Variants in GSK3B observed in about 807,000 individuals in gnomAD.
The protein encoded by GSK3B is glycogen synthase kinase-3 beta.
GSK3B carries 15 observed loss-of-function variants against 56.4 expected under a neutral mutation model. The ratio of observed to expected loss-of-function variants is 0.27; its 90% CI spans 0.18 to 0.41. GSK3B has a LOEUF of 0.41. GSK3B is among the 10% of genes least tolerant of loss of function. GSK3B has a pLI of 1.00. For synonymous variants in GSK3B, 181 were observed against 188.9 expected (o/e 0.96, Z 0.34); for missense variants, 300 against 513.4 (o/e 0.58, Z 4.02).
intron 1 of GSK3B, among the ~76,000 whole-genome samples, chr3:120,053,875 G>T (rs980036651): frequency 1.3e-5 from 2 of 152,122 alleles, no homozygotes; most frequent in African/African-American, 4.8e-5. Context: ...CACCATGATT[G>T]CGAGGCCTTC....
intron 3 of GSK3B, among the ~76,000 whole-genome samples, chr3:119,926,066 C>T (rs1209220346): frequency 6.6e-6 from 1 of 152,110 alleles, no homozygotes. Flanking sequence ...CTCCTATTCT[C>T]CTTGATCTCT....
chr3:119,841,644 A>AAAGTACAGACAAATAAAGAC (rs1338023716), intron 10 of GSK3B, among the ~76,000 whole-genome samples: 1 of 152,218 alleles, frequency 6.6e-6, no homozygotes, highest in African/African-American at 2.4e-5. Flanking sequence ...ATGCTGTCCT[A>AAAGTACAGACAAATAAAGAC]AAGTACAGAC....
intron 1 of GSK3B, among the ~76,000 whole-genome samples, chr3:120,020,525 T>C (rs2057867698): frequency 6.6e-6 from 1 of 152,172 alleles, no homozygotes; most frequent in Non-Finnish European, 1.5e-5. Flanking sequence ...ATTATGGTGA[T>C]CTGTGATCAA....
chr3:119,905,501 AAC>A (rs1288129584), intron 7 of GSK3B, among the ~76,000 whole-genome samples: 11 of 152,100 alleles, frequency 7.2e-5, no homozygotes, highest in African/African-American at 2.7e-4. Context: ...TACTTTAAAT[AAC>A]AGATATATAC....
intron 1 of GSK3B, among the ~76,000 whole-genome samples, chr3:120,057,068 C>T (rs1000530977): frequency 2.1e-4 from 32 of 152,160 alleles, no homozygotes; most frequent in African/African-American, 7.5e-4. Context: ...TCGCTTGAAC[C>T]CAGGAGGCAG....
At chr3:119,937,747 A>C (rs1347368674) in intron 3 of GSK3B, among the ~76,000 whole-genome samples, 1 of 151,992 alleles carries the variant, frequency 6.6e-6, no homozygotes, top group African/African-American at 2.4e-5. Flanking sequence ...AAGCTAACAG[A>C]AGGAAGGAAA....
At chr3:120,033,214 T>C (rs2057992903) in intron 1 of GSK3B, among the ~76,000 whole-genome samples, 1 of 152,258 alleles carries the variant, frequency 6.6e-6, no homozygotes, top group Non-Finnish European at 1.5e-5. Flanking sequence ...AATCCATTTA[T>C]GGAAATCCCG....
intron 8 of GSK3B, among the ~76,000 whole-genome samples, chr3:119,867,162 G>C (rs1208692738): frequency 6.6e-6 from 1 of 152,154 alleles, no homozygotes; most frequent in Non-Finnish European, 1.5e-5. Flanking sequence ...TGAGAGGAAA[G>C]TAATAAATAT....
At chr3:120,085,948 T>C (rs575717772) in intron 1 of GSK3B, among the ~76,000 whole-genome samples, 1 of 152,250 alleles carries the variant, frequency 6.6e-6, no homozygotes, top group South Asian at 2.1e-4. Flanking sequence ...CCCCTAAGAA[T>C]TTCTCAGACC....
At chr3:119,893,395 G>A (rs2056526334) in intron 7 of GSK3B, among the ~76,000 whole-genome samples, 1 of 152,064 alleles carries the variant, frequency 6.6e-6, no homozygotes, top group Non-Finnish European at 1.5e-5. Flanking sequence ...TATACTATAT[G>A]ATTACAAGTT....
intron 1 of GSK3B, among the ~76,000 whole-genome samples, chr3:120,037,861 C>T (rs2058035174): frequency 1.3e-5 from 2 of 152,050 alleles, no homozygotes; most frequent in African/African-American, 4.8e-5. Context: ...ACTACACAAA[C>T]AGTCCATAGG....
chr3:120,074,352 CT>C (rs61588608), intron 1 of GSK3B, among the ~76,000 whole-genome samples: 35,991 of 134,622 alleles, frequency 0.27, 5,560 homozygotes, highest in African/African-American at 0.49. Context: ...TCATGAGAAA[CT>C]TTTTTTTTTT....
chr3:119,911,103 C>A (rs1452361413), intron 6 of GSK3B, among the ~76,000 whole-genome samples: 1 of 152,130 alleles, frequency 6.6e-6, no homozygotes, highest in Non-Finnish European at 1.5e-5. Context: ...TTAGTGACAC[C>A]TAGAATGGTG....
intron 1 of GSK3B, among the ~76,000 whole-genome samples, chr3:120,090,147 A>G (rs184788653): frequency 1.6e-3 from 244 of 152,184 alleles, no homozygotes; most frequent in Admixed American, 3.5e-3. Context: ...GTTTAGTCCC[A>G]AAAGTATTTT....
intron 1 of GSK3B, among the ~76,000 whole-genome samples, chr3:120,074,003 C>T (rs2058348447): frequency 6.6e-6 from 1 of 151,982 alleles, no homozygotes; most frequent in Non-Finnish European, 1.5e-5. Context: ...ACAATAGAAG[C>T]CTCAGAAATA....
intron 1 of GSK3B, among the ~76,000 whole-genome samples, chr3:120,073,260 G>A (rs867434717): frequency 4.1e-4 from 62 of 150,050 alleles, no homozygotes; most frequent in African/African-American, 1.2e-3. Context: ...ATGGTGGTGC[G>A]GGCCTGTAGT....
chr3:120,025,459 A>C (rs1417954345), intron 1 of GSK3B, among the ~76,000 whole-genome samples: 1 of 152,196 alleles, frequency 6.6e-6, no homozygotes, highest in African/African-American at 2.4e-5. Flanking sequence ...ATAATAGTGA[A>C]TGCAGAGGGA....
intron 1 of GSK3B, among the ~76,000 whole-genome samples, chr3:120,009,651 G>T (rs2057761744): frequency 6.6e-6 from 1 of 152,050 alleles, no homozygotes; most frequent in African/African-American, 2.4e-5. Context: ...GAGAACACAT[G>T]GACACAGGGA....
intron 6 of GSK3B, among the ~76,000 whole-genome samples, chr3:119,906,686 C>T (rs2056685993): frequency 6.6e-6 from 1 of 151,998 alleles, no homozygotes; most frequent in African/African-American, 2.4e-5. Context: ...CAAGAAAAGG[C>T]TGCTTTTTAG....
Sources: allele counts gnomAD v4.1 joint callset (sites outside exome capture counted in the v4.1 genomes callset), GRCh38; gene constraint gnomAD v4.1.1; transcripts MANE v1.5; gene names NCBI Gene and HGNC (gene_info 2026-07-23, HGNC 2026-07-21).